NLRP12: variants seen among roughly 807,000 people sequenced by gnomAD.
NLRP12 encodes the protein NACHT, LRR and PYD domains-containing protein 12.
In NLRP12, 108 loss-of-function variants were observed where a neutral mutation model predicts 91.2. The ratio of observed to expected loss-of-function variants is 1.18; its 90% confidence interval spans 1.01 to 1.39. The LOEUF (loss-of-function observed/expected upper bound fraction) is 1.39. Ranked by LOEUF, NLRP12 falls within the 40% of genes most tolerant of loss-of-function variation. NLRP12 has a pLI of 0.00. For missense variants in NLRP12, 1,530 were observed against 1,352.7 expected, an observed-to-expected ratio of 1.13 and a Z score of -2.06; for synonymous variants, 613 against 566.7, an observed-to-expected ratio of 1.08 and a Z score of -1.16.
chr19:53,809,441 G>C, intron 3 of NLRP12, 146 bp downstream of exon 3: 2 of 763,294 alleles, frequency 2.6e-6, no homozygotes, highest in South Asian at 1.8e-5. Flanking sequence ...TGAAGCAGGA[G>C]AATCTCTTGA....
rs2091694768 is a variant in NLRP12 at position 53,793,805 on chromosome 19, T to C, written c.*244A>G. 3.4e-6 allele frequency: 2 copies of C among 587,956 alleles called. No individual in the cohort carries two copies. Among genetic ancestry groups the C allele is most frequent in the Non-Finnish European group, 6.1e-6 (2 of 327,858 alleles). 36.4% of individuals were successfully genotyped at this position (587,956 alleles called of 1,614,324 possible). A position where few individuals can be genotyped will look rare whatever the true frequency, so the allele number is the denominator to read the frequency against. ...TTTCACCATCTTGGCCAGGCTAATCTCAAACTCCTGACCTCGTGATCCACC... is the reference window on the plus strand; with the variant it reads ...TTTCACCATCTTGGCCAGGCTAATCCCAAACTCCTGACCTCGTGATCCACC... On this transcript the variant is annotated 3_prime_UTR_variant, in exon 10 of 10. Coordinates refer to ENST00000324134, the MANE Select transcript of NLRP12 (RefSeq NM_144687.4).
chr19:53,801,112 G>A, intron 7 of NLRP12, 115 bp downstream of exon 7: 1 of 888,544 alleles, frequency 1.1e-6, no homozygotes, highest in South Asian at 1.5e-5. Flanking sequence ...AAAAAAAAAG[G>A]CTGATGTAGT....
At chr19:53,819,796 A>C (rs2092240149) in intron 1 of NLRP12, among the ~76,000 whole-genome samples, 1 of 150,604 alleles carries the variant, frequency 6.6e-6, no homozygotes, top group Non-Finnish European at 1.5e-5. Flanking sequence ...GGCTCACCAC[A>C]ACCTCCGTCT....
intron 9 of NLRP12, among the ~76,000 whole-genome samples, chr19:53,794,691 G>C (rs1224040848): frequency 2.0e-5 from 3 of 146,904 alleles, no homozygotes; most frequent in African/African-American, 7.6e-5. Flanking sequence ...CCCCAAGATG[G>C]AGTCTTGCTC....
In NLRP12 at chr19:53,793,961, G is replaced by T. The variant is rs1247881568; in HGVS notation, c.*88C>A. On this transcript the variant is annotated 3_prime_UTR_variant, in exon 10 of 10. Coordinates refer to ENST00000324134, the MANE Select transcript of NLRP12 (RefSeq NM_144687.4). ...TCTGCATGAGTCTGTCTCTAGGAAG[G>T]AGGCTGATCATTATGCTGGGGGGGT... The T allele has an allele frequency of 7.7e-6, 7 of 903,292 alleles. No homozygotes were observed. The highest frequency in any genetic ancestry group is 1.3e-5 in the Non-Finnish European group (7 of 532,506). 56.0% of individuals were successfully genotyped at this position (903,292 alleles called of 1,614,324 possible). A position where few individuals can be genotyped will look rare whatever the true frequency, so the allele number is the denominator to read the frequency against.
intron 1 of NLRP12, among the ~76,000 whole-genome samples, chr19:53,823,247 T>C (rs1213920009): frequency 1.4e-5 from 2 of 141,436 alleles, no homozygotes; most frequent in Non-Finnish European, 3.0e-5. Context: ...AAATATTTAA[T>C]ATATAATATT....
chr19:53,800,248 T>G (rs1477766651), intron 7 of NLRP12, among the ~76,000 whole-genome samples: 1 of 151,928 alleles, frequency 6.6e-6, no homozygotes, highest in African/African-American at 2.4e-5. Context: ...GAGCTCGCAG[T>G]AAGCTGAGAT....
chr19:53,823,369 AATAAT>A (rs1485991749), intron 1 of NLRP12, among the ~76,000 whole-genome samples: 10 of 135,238 alleles, frequency 7.4e-5, no homozygotes, highest in Admixed American at 1.7e-4. Context: ...ATATATATTT[AATAAT>A]ATAATTATAT....
chr19:53,795,279 G>C (rs1291366126), intron 9 of NLRP12, among the ~76,000 whole-genome samples: 1 of 151,940 alleles, frequency 6.6e-6, no homozygotes, highest in Non-Finnish European at 1.5e-5. Context: ...AAAGCAATTG[G>C]AGTTTGAACC....
Position 53,795,965 on chromosome 19 carries a change from G to A in NLRP12, c.2992C>T (p.Gln998Ter), listed in dbSNP as rs770386298. Residue 998 changes from glutamine to a stop codon, truncating the protein, a stop_gained, in exon 9 of 10, where the codon CAG becomes TAG. Coordinates refer to ENST00000324134, the MANE Select transcript of NLRP12 (RefSeq NM_144687.4). LOFTEE classifies it high-confidence loss of function. Reference protein sequence around the residue: ...ENLYFTLGINQTLTDLYLTNN... With the variant: ...ENLYFTLGIN ...GTCAGGTAAAGGTCGGTCAAGGTCT[G>A]GTTGATCCCCAGGGTGAAGTAAAGA... 2 of 1,614,036 alleles carry A rather than the reference G, an allele frequency of 1.2e-6. No individual in the cohort carries two copies. The highest frequency in any genetic ancestry group is 1.7e-6 in the Non-Finnish European group (2 of 1,180,022).
chr19:53,807,480 C>T lies in NLRP12; in HGVS notation c.2243+15G>A, dbSNP rs762264006. The T allele has an allele frequency of 6.2e-7, 1 of 1,612,278 alleles. No homozygotes were observed. Among genetic ancestry groups the T allele is most frequent in the South Asian group, 1.1e-5 (1 of 90,788 alleles). On this transcript the variant is annotated intron_variant, in intron 4 of 9. Coordinates refer to ENST00000324134, the MANE Select transcript of NLRP12 (RefSeq NM_144687.4). The stretch of plus-strand genomic sequence containing the variant: ...GTGGGGACCACCTGAAACGCCCAGA[C>T]CAGCCTGCACTCACCTCAGGTTCTG...
In NLRP12 at chr19:53,820,035, G is replaced by A. The variant is rs115599922; in HGVS notation, c.289+3851C>T. Among the ~76,000 whole-genome samples, 607 of 152,198 alleles carry A rather than the reference G, an allele frequency of 4.0e-3. 1 individual carries two copies. Among genetic ancestry groups the A allele is most frequent in the African/African-American group, 0.014 (589 of 41,532 alleles). On this transcript the variant is annotated intron_variant, in intron 1 of 9. Transcript: ENST00000324134. Reference sequence around the variant, plus strand: ...CACCTCATTAACGACGAGTCATTAAGCTTTGCAGAAGTGACTGTGTATATC... The same window carrying A: ...CACCTCATTAACGACGAGTCATTAAACTTTGCAGAAGTGACTGTGTATATC...
chr19:53,816,099 A>G (rs1459895992), intron 1 of NLRP12, among the ~76,000 whole-genome samples: 2 of 151,942 alleles, frequency 1.3e-5, no homozygotes, highest in African/African-American at 4.8e-5. Flanking sequence ...TGGATATATC[A>G]TAAGATTCTA....
At chr19:53,805,200 G>T in intron 5 of NLRP12, 80 bp downstream of exon 5, 3 of 1,428,444 alleles carry the variant, frequency 2.1e-6, no homozygotes, top group Non-Finnish European at 2.0e-6. Context: ...TGGAGATTTG[G>T]GGATTACCAG....
chr19:53,819,595 A>T lies in NLRP12; in HGVS notation c.289+4291T>A, dbSNP rs2092230621. On this transcript the variant is annotated intron_variant, in intron 1 of 9. Transcript: ENST00000324134. ...TGCGTATATATGTATGTATACGTAT[A>T]TACGCATATATATGTATGTATACGT... Among the ~76,000 whole-genome samples the T allele has an allele frequency of 2.6e-5, 2 of 75,592 alleles. 1 individual carries two copies. Among genetic ancestry groups the T allele is most frequent in the Non-Finnish European group, 6.0e-5 (2 of 33,402 alleles). The allele number at this position is 75,592 out of a possible 152,430, so 49.6% of individuals were successfully genotyped here.
chr19:53,802,160 GA>G lies in NLRP12; in HGVS notation c.2586-764del, dbSNP rs766735115. On this transcript the variant is annotated intron_variant, in intron 6 of 9. Coordinates refer to ENST00000324134, the MANE Select transcript of NLRP12 (RefSeq NM_144687.4). ...GAGAATCACTTGAACCCAGGAGGCG[GA>G]GGTTGCCGTGAGCTGAGATCACGCC... Among the ~76,000 whole-genome samples the G allele has an allele frequency of 1.3e-4, 20 of 152,104 alleles. 1 individual carries two copies. The highest frequency in any genetic ancestry group is 2.5e-4 in the Non-Finnish European group (17 of 68,008).
At chr19:53,804,942 A>C (rs1253789366) in intron 5 of NLRP12, among the ~76,000 whole-genome samples, 1 of 152,010 alleles carries the variant, frequency 6.6e-6, no homozygotes, top group Non-Finnish European at 1.5e-5. Context: ...AGGCAGGAGA[A>C]TCACTTGAAC....
At chr19:53,801,438 C>CTTTT (rs777555325) in intron 6 of NLRP12, 41 bp from the exon 7 acceptor site, 1 of 1,516,698 alleles carries the variant, frequency 6.6e-7, no homozygotes, top group African/African-American at 1.6e-5. Flanking sequence ...GGAGGCTTTC[C>CTTTT]TTTCTTTTTC....
rs2092303917 is a variant in NLRP12, at chr19:53,823,762, C to T, written c.289+124G>A. On this transcript the variant is annotated intron_variant, in intron 1 of 9. Transcript: ENST00000324134. ...ACAGAGCCTCACTATGTTGTCCAGACTGGTCTTGAACTCCTCACCTCAAGT... is the reference window on the plus strand; with the variant it reads ...ACAGAGCCTCACTATGTTGTCCAGATTGGTCTTGAACTCCTCACCTCAAGT... 4 of 1,089,038 alleles carry T rather than the reference C, an allele frequency of 3.7e-6. No homozygotes were observed. In the African/African-American group the frequency reaches 4.6e-5, roughly 13 times the overall value. The allele number at this position is 1,089,038 out of a possible 1,614,324, so 67.5% of individuals were successfully genotyped here. A position where few individuals can be genotyped will look rare whatever the true frequency, so the allele number is the denominator to read the frequency against.
Sources: gnomAD v4.1 joint callset for allele counts (sites outside exome capture counted in the v4.1 genomes callset) on GRCh38, gnomAD v4.1.1 for gene constraint, MANE v1.5 for transcripts, NCBI Gene and HGNC (gene_info 2026-07-23, HGNC 2026-07-21) for gene names.